The following CCDC83 variants were observed in gnomAD, a reference collection of about 807,000 sequenced individuals.
CCDC83 encodes the protein coiled-coil domain containing 83.
Under a neutral mutation model 50.1 loss-of-function variants are expected in CCDC83, and 54 were observed. That is an observed-to-expected ratio of 1.08 (90% CI 0.87 to 1.35). CCDC83 has a LOEUF of 1.35. Among genes scored for constraint, CCDC83 ranks in the 40% most tolerant of loss-of-function variants. The pLI, the probability that CCDC83 is intolerant of heterozygous loss-of-function variation, is 0.00. For synonymous variants in CCDC83, 161 were observed against 153.3 expected, an observed-to-expected ratio of 1.05 and a Z score of -0.37; for missense variants, 518 against 473.9, an observed-to-expected ratio of 1.09 and a Z score of -0.86.
At chr11:85,903,615 A>G (rs1329523452) in intron 7 of CCDC83, among the ~76,000 whole-genome samples, 1 of 152,056 alleles carries the variant, frequency 6.6e-6, no homozygotes, top group Non-Finnish European at 1.5e-5. Context: ...AGAGCCAACT[A>G]TTTTAGAAAT....
At chr11:85,911,968 A>C (rs1319560969) in intron 8 of CCDC83, among the ~76,000 whole-genome samples, 1 of 152,052 alleles carries the variant, frequency 6.6e-6, no homozygotes, top group Non-Finnish European at 1.5e-5. Context: ...TCCTTATCTG[A>C]CAAAAAAAAA....
At chr11:85,888,301 G>C (rs2093336372) in intron 5 of CCDC83, among the ~76,000 whole-genome samples, 1 of 152,144 alleles carries the variant, frequency 6.6e-6, no homozygotes, top group Admixed American at 6.5e-5. Context: ...TCAGCAACAG[G>C]GGGTGGTATC....
At chr11:85,878,441 C>T (rs944335129) in intron 3 of CCDC83, among the ~76,000 whole-genome samples, 1 of 152,154 alleles carries the variant, frequency 6.6e-6, no homozygotes, top group African/African-American at 2.4e-5. Context: ...CAATAAGTAA[C>T]CTTTTGGTAC....
intron 8 of CCDC83, among the ~76,000 whole-genome samples, chr11:85,914,180 A>G (rs1039339141): frequency 2.0e-5 from 3 of 152,226 alleles, no homozygotes; most frequent in African/African-American, 7.2e-5. Flanking sequence ...TGCTGGAGCC[A>G]TTAGCATCTG....
chr11:85,861,231 T>G (rs1462012822), intron 1 of CCDC83, among the ~76,000 whole-genome samples: 2 of 152,250 alleles, frequency 1.3e-5, no homozygotes, highest in African/African-American at 4.8e-5. Flanking sequence ...GCTTTGCAAT[T>G]AACATTATAG....
At chr11:85,886,789 T>C (rs2093329033) in intron 5 of CCDC83, among the ~76,000 whole-genome samples, 1 of 152,202 alleles carries the variant, frequency 6.6e-6, no homozygotes, top group Non-Finnish European at 1.5e-5. Context: ...GGCTCATGCC[T>C]GTAGCCCCAG....
In CCDC83 at chr11:85,919,398, G is replaced by T. The variant is rs530964044; in HGVS notation, c.1130G>T (p.Ser377Ile). 6.2e-7 allele frequency: 1 copy of T among 1,613,738 alleles called. No homozygotes were observed. Among genetic ancestry groups the T allele is most frequent in the Admixed American group, 1.7e-5 (1 of 59,960 alleles). Residue 377 changes from serine (S) to isoleucine (I), a missense_variant, in exon 11 of 11, where the codon AGC (serine) becomes ATC (isoleucine). Ser to Ile is a moderately radical substitution (Grantham distance 142, BLOSUM62 -2). Transcript: ENST00000342404. ...GGAGTGAAGCTTATGAGTGTGGAGA[G>T]CAAGAAAATGCCCATTCATTTTCAA... ...PLGVKLMSVE[S>I]KKMPIHFQEK... is the part of the protein sequence containing the mutation.
intron 6 of CCDC83, among the ~76,000 whole-genome samples, chr11:85,897,604 A>G (rs1362300313): frequency 1.3e-5 from 2 of 152,146 alleles, no homozygotes; most frequent in African/African-American, 4.8e-5. Context: ...GATTTTTCAA[A>G]GCTTCTAGGA....
chr11:85,882,546 A>G lies in CCDC83; in HGVS notation c.214A>G (p.Ile72Val). 6.2e-7 allele frequency: 1 copy of G among 1,614,010 alleles called. No individual in the cohort carries two copies. Among genetic ancestry groups the G allele is most frequent in the African/African-American group, 1.3e-5 (1 of 75,042 alleles). ...CTTAAAAGAAGAACAGATTTGGCAC[A>G]TACGGCATCTACTAAAGGAACTGAG... is the stretch of plus-strand genomic sequence containing the variant. ...SRLKEEQIWH[I>V]RHLLKELSEE... Residue 72 changes from isoleucine (I) to valine (V), a missense_variant, in exon 4 of 11, where the codon ATA (isoleucine) becomes GTA (valine). Coordinates refer to ENST00000342404, the MANE Select transcript of CCDC83 (RefSeq NM_001286159.2).
At chr11:85,861,300 T>TTACTAC (rs1231015707) in intron 1 of CCDC83, among the ~76,000 whole-genome samples, 1 of 152,228 alleles carries the variant, frequency 6.6e-6, no homozygotes, top group Non-Finnish European at 1.5e-5. Flanking sequence ...AAGTACTGCA[T>TTACTAC]TACTACTACT....
At chr11:85,886,426 T>C (rs2093327377) in intron 5 of CCDC83, 59 bp downstream of exon 5, 14 of 1,374,652 alleles carry the variant, frequency 1.0e-5, no homozygotes, top group Non-Finnish European at 1.3e-5. Context: ...AGGGCATACA[T>C]TGATGGAAGA....
intron 10 of CCDC83, among the ~76,000 whole-genome samples, chr11:85,917,214 GAAAGAAAGAAAGA>G (rs2135159025): frequency 9.9e-6 from 1 of 100,516 alleles, no homozygotes; most frequent in Admixed American, 1.0e-4. Context: ...AAGAAGGAAA[GAAAGAAAGAAAGA>G]AAGAAAAGAA....
intron 1 of CCDC83, among the ~76,000 whole-genome samples, chr11:85,864,440 T>C (rs1340964506): frequency 3.3e-5 from 5 of 152,210 alleles, no homozygotes; most frequent in African/African-American, 1.2e-4. Context: ...CTGTGAACAG[T>C]GGGTCTTGAT....
intron 3 of CCDC83, among the ~76,000 whole-genome samples, chr11:85,877,045 A>G (rs2093273333): frequency 1.3e-5 from 2 of 152,222 alleles, no homozygotes; most frequent in South Asian, 4.1e-4. Context: ...ATTACTCAAA[A>G]TAATTTTTGA....
chr11:85,888,617 G>C (rs1157960707), intron 5 of CCDC83, among the ~76,000 whole-genome samples: 1 of 152,024 alleles, frequency 6.6e-6, no homozygotes, highest in African/African-American at 2.4e-5. Flanking sequence ...TGCTTTTAAA[G>C]TGCCCAACTT....
chr11:85,914,287 A>G (rs1453086932), intron 8 of CCDC83, among the ~76,000 whole-genome samples: 1 of 152,248 alleles, frequency 6.6e-6, no homozygotes, highest in African/African-American at 2.4e-5. Context: ...GGTTGTTTGC[A>G]CATTTGCAAG....
chr11:85,910,236 T>C (rs752641887), intron 7 of CCDC83, among the ~76,000 whole-genome samples: 4 of 152,234 alleles, frequency 2.6e-5, no homozygotes, highest in Non-Finnish European at 2.9e-5. Flanking sequence ...ATTATGGTTA[T>C]TATCATGCTA....
At chr11:85,886,501 G>A in intron 5 of CCDC83, 134 bp downstream of exon 5, 1 of 633,110 alleles carries the variant, frequency 1.6e-6, no homozygotes, top group Non-Finnish European at 2.4e-6. Flanking sequence ...GTGAGCCTAA[G>A]GGTAAAGGTG....
chr11:85,917,158 GAGA>G (rs2093481991), intron 10 of CCDC83, among the ~76,000 whole-genome samples: 2 of 66,818 alleles, frequency 3.0e-5, no homozygotes, highest in African/African-American at 1.1e-4. Context: ...GAGAGAGAGA[GAGA>G]GAGAGAGAAA....
Sources: allele counts gnomAD v4.1 joint callset (sites outside exome capture counted in the v4.1 genomes callset), GRCh38; gene constraint gnomAD v4.1.1; transcripts MANE v1.5; gene names NCBI Gene and HGNC (gene_info 2026-07-23, HGNC 2026-07-21).